GLI3: variants seen among roughly 807,000 people sequenced by gnomAD.
GLI3 encodes transcription activator GLI3.
A neutral mutation model predicts 100.8 loss-of-function variants in GLI3; 20 were observed. The observed-to-expected ratio is 0.20, with a 90% CI of 0.14 to 0.29. The LOEUF (loss-of-function observed/expected upper bound fraction) is 0.29, where lower values mean the gene tolerates loss of function less well. GLI3 is among the 10% of genes least tolerant of loss of function. The probability of loss-of-function intolerance (pLI) is 1.00; values close to 1 mark genes in which losing one functional copy is unlikely to be tolerated. For synonymous variants in GLI3, 938 were observed against 860.5 expected (o/e 1.09, Z -1.58); for missense variants, 2,040 against 2,128.5 (o/e 0.96, Z 0.82).
At chr7:41,969,496 T>A (rs1186282372) in intron 13 of GLI3, among the ~76,000 whole-genome samples, 1 of 152,122 alleles carries the variant, frequency 6.6e-6, no homozygotes, top group East Asian at 1.9e-4. Flanking sequence ...ACTAACTTTG[T>A]CCCGGGCAAC....
At chr7:42,116,833 A>T (rs1050805434) in intron 3 of GLI3, among the ~76,000 whole-genome samples, 5 of 125,502 alleles carry the variant, frequency 4.0e-5, no homozygotes, top group African/African-American at 1.8e-4. Flanking sequence ...AGGTCTCATA[A>T]GAGACCTCTT....
At chr7:42,032,073 C>A (rs1789311370) in intron 7 of GLI3, among the ~76,000 whole-genome samples, 1 of 152,156 alleles carries the variant, frequency 6.6e-6, no homozygotes, top group Non-Finnish European at 1.5e-5. Flanking sequence ...AGTCTCCCTT[C>A]TGGGAATCTC....
upstream of GLI3, among the ~76,000 whole-genome samples, chr7:42,238,888 G>C (rs1788891382): frequency 6.6e-6 from 1 of 152,250 alleles, no homozygotes; most frequent in Non-Finnish European, 1.5e-5. Flanking sequence ...GTGTGGCGTT[G>C]CCGCCAAGTG....
intron 6 of GLI3, among the ~76,000 whole-genome samples, chr7:42,042,012 CCT>C (rs1784148911): frequency 7.9e-6 from 1 of 126,244 alleles, no homozygotes; most frequent in Non-Finnish European, 1.6e-5. Flanking sequence ...CCAACGATTT[CCT>C]TTTTTTTTTT....
chr7:42,090,466 G>A (rs1352745052), intron 3 of GLI3, among the ~76,000 whole-genome samples: 2 of 152,178 alleles, frequency 1.3e-5, no homozygotes, highest in Non-Finnish European at 2.9e-5. Context: ...CTGTACCCAT[G>A]TTTAAGAAGT....
At chr7:42,123,000 C>T (rs1445891683) in intron 3 of GLI3, among the ~76,000 whole-genome samples, 2 of 152,192 alleles carry the variant, frequency 1.3e-5, no homozygotes, top group African/African-American at 2.4e-5. Context: ...TTATATTCTA[C>T]ACCTCTACTG....
In GLI3 at chr7:41,966,623, GTGT is replaced by G. The variant is rs780784604; in HGVS notation, c.2447_2449del (p.Asn816del). ...CGTCATGGGCCCACCCAAGCTGCAG[GTGT>G]TGTTGGACTGTGTGCCTGGAGACAG... On this transcript the variant is annotated inframe_deletion, in exon 15 of 15. Transcript: ENST00000395925. This position sits in a 1 kb window ranked among gnomAD's most constrained non-coding sequence, Gnocchi z 5.8. The G allele has an allele frequency of 1.9e-6, 3 of 1,614,148 alleles. No homozygotes were observed. The highest frequency in any genetic ancestry group is 1.7e-5 in the Admixed American group (1 of 60,032).
At chr7:42,227,598 C>T (rs1470640370) in intron 1 of GLI3, 1 of 152,104 alleles carries the variant, frequency 6.6e-6, no homozygotes. Flanking sequence ...AAATCTGAAC[C>T]TGCGTCAACC....
rs1787051185 is a variant in GLI3, at chr7:41,963,102, A to T, written c.*1228T>A. Reference sequence around the variant, plus strand: ...GCAGCATTCAATAGACAGGGTGTGAAAAAAGGCATCCACACAGCTACTAAA... The same window carrying T: ...GCAGCATTCAATAGACAGGGTGTGATAAAAGGCATCCACACAGCTACTAAA... On this transcript the variant is annotated 3_prime_UTR_variant, in exon 15 of 15. Transcript: ENST00000395925. The T allele has an allele frequency of 6.6e-6, 1 of 152,232 alleles. No individual in the cohort carries two copies. Among genetic ancestry groups the T allele is most frequent in the African/African-American group, 2.4e-5 (1 of 41,450 alleles). 9.4% of individuals were successfully genotyped at this position (152,232 alleles called of 1,614,324 possible). A position where few individuals can be genotyped will look rare whatever the true frequency, so the allele number is the denominator to read the frequency against.
intron 2 of GLI3, among the ~76,000 whole-genome samples, chr7:42,155,050 C>T (rs1173995425): frequency 6.6e-6 from 1 of 152,184 alleles, no homozygotes; most frequent in East Asian, 1.9e-4. Flanking sequence ...TGGGGAAATT[C>T]AAGTGACAAC....
chr7:42,097,166 G>T (rs916829474), intron 3 of GLI3, among the ~76,000 whole-genome samples: 2 of 152,218 alleles, frequency 1.3e-5, no homozygotes, highest in Admixed American at 6.5e-5. Flanking sequence ...CAGAAACAGA[G>T]AATTCACTGG....
intron 1 of GLI3, among the ~76,000 whole-genome samples, chr7:42,233,484 A>G (rs1172763699): frequency 6.6e-6 from 1 of 152,174 alleles, no homozygotes; most frequent in Non-Finnish European, 1.5e-5. Context: ...TTAAACACAA[A>G]TGCATAGAGA....
At chr7:42,084,901 CTTTTTTTT>C (rs747166719) in intron 3 of GLI3, among the ~76,000 whole-genome samples, 1 of 47,502 alleles carries the variant, frequency 2.1e-5, no homozygotes, top group Non-Finnish European at 3.5e-5. Context: ...CATTTGGATT[CTTTTTTTT>C]TTTTTTTTTT....
intron 3 of GLI3, among the ~76,000 whole-genome samples, chr7:42,116,204 T>C (rs369170259): frequency 1.3e-5 from 2 of 152,190 alleles, no homozygotes; most frequent in Admixed American, 6.5e-5. Flanking sequence ...AGCAGTTTTA[T>C]GGGACCCGCC....
intron 1 of GLI3, among the ~76,000 whole-genome samples, chr7:42,231,366 A>G (rs1264704405): frequency 6.6e-6 from 1 of 152,234 alleles, no homozygotes; most frequent in Non-Finnish European, 1.5e-5. Context: ...TTAAGCATTT[A>G]TAATTAAGGA....
At chr7:42,205,474 G>A (rs1788130916) in intron 2 of GLI3, among the ~76,000 whole-genome samples, 1 of 152,154 alleles carries the variant, frequency 6.6e-6, no homozygotes. Flanking sequence ...GATTTCAGAA[G>A]AAAAAGTCAC....
In GLI3 at chr7:42,254,219, A is replaced by AAAAAAC. The variant is rs1434316432; in HGVS notation, c.-43+9774_-43+9775insGTTTTT. Among the ~76,000 whole-genome samples, 15 of 150,158 alleles carry AAAAAAC rather than the reference A, an allele frequency of 1.0e-4. 1 individual carries two copies. Among genetic ancestry groups the AAAAAAC allele is most frequent in the African/African-American group, 2.9e-4 (12 of 41,084 alleles). On this transcript the variant is annotated intron_variant, in intron 1 of 2. Coordinates refer to the GLI3 transcript ENST00000678978. Reference sequence around the variant, plus strand: ...GGGCAACAAGAGCAAAACTCCGTTAAAAAAAAAAAAAAAGCCAATGGAATA... The same window carrying AAAAAAC: ...GGGCAACAAGAGCAAAACTCCGTTAAAAAAACAAAAAAAAAAAAAGCCAATGGAATA...
chr7:41,964,223 A>G lies in GLI3; in HGVS notation c.*107T>C. On this transcript the variant is annotated 3_prime_UTR_variant, in exon 15 of 15. Transcript: ENST00000395925. ...AAACACATCTCAGTTAGGTGAGATG[A>G]GATTGCTAAAATACATACAGAACTA... is the stretch of plus-strand genomic sequence containing the variant. The G allele has an allele frequency of 1.1e-6, 1 of 872,738 alleles. No individual in the cohort carries two copies. The highest frequency in any genetic ancestry group is 1.9e-6 in the Non-Finnish European group (1 of 535,612). The allele number at this position is 872,738 out of a possible 1,614,324, so 54.1% of individuals were successfully genotyped here. A position where few individuals can be genotyped will look rare whatever the true frequency, so the allele number is the denominator to read the frequency against.
chr7:42,263,455 T>A (rs11435435), intron 1 of GLI3, among the ~76,000 whole-genome samples: 40 of 93,382 alleles, frequency 4.3e-4, no homozygotes, highest in African/African-American at 7.8e-4. Context: ...TTATTTATTT[T>A]TTTTTTTTGA....
Sources: allele counts gnomAD v4.1 joint callset (sites outside exome capture counted in the v4.1 genomes callset), GRCh38; gene constraint gnomAD v4.1.1; non-coding constraint Gnocchi (gnomAD v3.1); transcripts MANE v1.5; gene names NCBI Gene and HGNC (gene_info 2026-07-23, HGNC 2026-07-21).